PANK2: variants seen among roughly 807,000 people sequenced by gnomAD.
PANK2 encodes the protein pantothenate kinase 2.
In PANK2, 36 loss-of-function variants were observed where a neutral mutation model predicts 43.1. The observed-to-expected ratio is 0.84, with a 90% CI of 0.64 to 1.10. The LOEUF (loss-of-function observed/expected upper bound fraction) is 1.10. Among genes scored for constraint, PANK2 ranks in the 50% least tolerant of loss-of-function variants. The probability of loss-of-function intolerance (pLI) is 0.00; values close to 1 mark genes in which losing one functional copy is unlikely to be tolerated. For missense variants in PANK2, 576 were observed against 593.3 expected, an observed-to-expected ratio of 0.97 and a Z score of 0.30; for synonymous variants, 281 against 238.2, an observed-to-expected ratio of 1.18 and a Z score of -1.66.
In PANK2 at chr20:3,908,242, A is replaced by C; in HGVS notation, c.615A>C (p.Gly205=). The change falls in exon 2 of 7, where the codon GGA becomes GGC. Residue 205 remains glycine (G), a synonymous_variant. Transcript: ENST00000610179. ...TCCACACTGTCTTTTGTGCCACTGG[A>C]GGTGGAGCGTACAAATTTGAGCAGG... 6.2e-7 allele frequency: 1 copy of C among 1,611,440 alleles called. No individual in the cohort carries two copies. Among genetic ancestry groups the C allele is most frequent in the Non-Finnish European group, 8.5e-7 (1 of 1,179,934 alleles).
intron 2 of PANK2, among the ~76,000 whole-genome samples, chr20:3,909,291 G>C (rs183710599): frequency 2.0e-5 from 3 of 152,214 alleles, no homozygotes; most frequent in East Asian, 3.9e-4. Flanking sequence ...TGTTGGTCAG[G>C]CTGGTCTCGA....
chr20:3,890,707 G>A (rs1320078857), intron 1 of PANK2, among the ~76,000 whole-genome samples: 1 of 152,154 alleles, frequency 6.6e-6, no homozygotes, highest in Non-Finnish European at 1.5e-5. Flanking sequence ...GATTTTTATT[G>A]AATAGTCTTC....
At chr20:3,911,533 G>A (rs1455768344) in intron 3 of PANK2, among the ~76,000 whole-genome samples, 1 of 151,116 alleles carries the variant, frequency 6.6e-6, no homozygotes, top group Admixed American at 6.6e-5. Context: ...GCAGTAAGCC[G>A]AGATTATGCC....
At chr20:3,915,341 C>CT in intron 4 of PANK2, among the ~76,000 whole-genome samples, 1 of 151,954 alleles carries the variant, frequency 6.6e-6, no homozygotes, top group East Asian at 1.9e-4. Flanking sequence ...GCTCTGTCAC[C>CT]AGGCTGGAGT....
chr20:3,905,350 CTTT>C (rs34914526), intron 1 of PANK2, among the ~76,000 whole-genome samples: 6 of 134,362 alleles, frequency 4.5e-5, no homozygotes, highest in Non-Finnish European at 6.3e-5. Context: ...GCTGCTATCT[CTTT>C]TTTTTTTTTT....
chr20:3,919,780 A>T (rs889157800), intron 6 of PANK2, among the ~76,000 whole-genome samples: 2 of 152,246 alleles, frequency 1.3e-5, no homozygotes, highest in African/African-American at 4.8e-5. Context: ...AACATTTTTC[A>T]GAATTGTATT....
chr20:3,905,574 C>T (rs1281610308), intron 1 of PANK2, among the ~76,000 whole-genome samples: 1 of 151,012 alleles, frequency 6.6e-6, no homozygotes, highest in Non-Finnish European at 1.5e-5. Context: ...GTCTCGATCT[C>T]CTGACCTCAT....
intron 1 of PANK2, among the ~76,000 whole-genome samples, chr20:3,905,799 T>A (rs1193300156): frequency 2.8e-5 from 4 of 144,288 alleles, no homozygotes; most frequent in Non-Finnish European, 6.0e-5. Flanking sequence ...CACTGAAACC[T>A]CCACCTCCCG....
chr20:3,900,917 C>G (rs4815624), intron 1 of PANK2, among the ~76,000 whole-genome samples: 3 of 151,604 alleles, frequency 2.0e-5, no homozygotes, highest in African/African-American at 7.3e-5. Context: ...TACAGGTGTG[C>G]ACCACCACAC....
intron 1 of PANK2, among the ~76,000 whole-genome samples, chr20:3,893,718 A>T (rs74690358): frequency 0.022 from 3,424 of 152,178 alleles, 62 homozygotes; most frequent in East Asian, 0.099. Flanking sequence ...TAGAAAATGG[A>T]TCATTTTTTC....
intron 1 of PANK2, among the ~76,000 whole-genome samples, chr20:3,898,626 T>C (rs2090249661): frequency 6.6e-6 from 1 of 152,126 alleles, no homozygotes; most frequent in African/African-American, 2.4e-5. Flanking sequence ...AAATAAATTT[T>C]GTTTTGATTT....
intron 1 of PANK2, among the ~76,000 whole-genome samples, chr20:3,897,727 C>A (rs941399028): frequency 3.9e-5 from 6 of 152,034 alleles, no homozygotes; most frequent in African/African-American, 1.4e-4. Flanking sequence ...AAAACAAAAC[C>A]TGGGTGCAGT....
At chr20:3,895,452 G>A (rs2090190386) in intron 1 of PANK2, among the ~76,000 whole-genome samples, 1 of 150,292 alleles carries the variant, frequency 6.7e-6, no homozygotes, top group Non-Finnish European at 1.5e-5. Context: ...CACTGCACTC[G>A]AGCCTGGGCG....
intron 1 of PANK2, among the ~76,000 whole-genome samples, chr20:3,893,194 C>T (rs183704780): frequency 7.9e-5 from 12 of 152,182 alleles, no homozygotes; most frequent in Admixed American, 7.9e-4. Context: ...TTGTCCAAGG[C>T]CATATAGTGA....
chr20:3,901,793 A>C (rs2090306195), intron 1 of PANK2, among the ~76,000 whole-genome samples: 1 of 152,028 alleles, frequency 6.6e-6, no homozygotes, highest in Admixed American at 6.6e-5. Flanking sequence ...GATCCCTTAC[A>C]TATGTGAAAA....
chr20:3,907,959 C>G lies in PANK2; in HGVS notation c.332C>G (p.Thr111Ser). ...TGGTTTGGACTGGATATCGGTGGAA[C>G]TCTGGTCAAGCTGGTATATTTTGAA... Residue 111 changes from threonine to serine, a missense_variant, in exon 2 of 7, where the codon ACT becomes AGT. Thr to Ser is a moderately conservative substitution (Grantham distance 58). Coordinates refer to ENST00000610179, the MANE Select transcript of PANK2 (RefSeq NM_001386393.1). 6.2e-7 allele frequency: 1 copy of G among 1,614,116 alleles called. No individual in the cohort carries two copies. Among genetic ancestry groups the G allele is most frequent in the Middle Eastern group, 1.6e-4 (1 of 6,062 alleles).
chr20:3,894,487 A>ATTTG (rs1269975779), intron 1 of PANK2, among the ~76,000 whole-genome samples: 3 of 134,092 alleles, frequency 2.2e-5, no homozygotes, highest in South Asian at 4.9e-4. Flanking sequence ...TGATCTGCCC[A>ATTTG]CCTCAGCCTC....
chr20:3,914,564 G>A (rs753327852), intron 4 of PANK2, among the ~76,000 whole-genome samples: 1 of 151,566 alleles, frequency 6.6e-6, no homozygotes, highest in Non-Finnish European at 1.5e-5. Flanking sequence ...TTCCCAACAT[G>A]TTGGGATTAC....
chr20:3,900,242 T>G (rs1471584247), intron 1 of PANK2, among the ~76,000 whole-genome samples: 1 of 151,932 alleles, frequency 6.6e-6, no homozygotes, highest in Non-Finnish European at 1.5e-5. Flanking sequence ...CGTCAGTAAC[T>G]ATATGATTAT....
Sources: gnomAD v4.1 joint callset for allele counts (sites outside exome capture counted in the v4.1 genomes callset) on GRCh38, gnomAD v4.1.1 for gene constraint, MANE v1.5 for transcripts, NCBI Gene and HGNC (gene_info 2026-07-23, HGNC 2026-07-21) for gene names.